CYLC1: variants seen among roughly 807,000 people sequenced by gnomAD.
CYLC1 encodes cylicin-1.
Under a neutral mutation model 31.6 loss-of-function variants are expected in CYLC1, and 2 were observed. The ratio of observed to expected loss-of-function variants is 0.06; its 90% CI spans 0.03 to 0.20. The LOEUF is 0.20. CYLC1 is among the 10% of genes least tolerant of loss of function. The pLI, the probability that CYLC1 is intolerant of heterozygous loss-of-function variation, is 1.00. For missense variants in CYLC1, 595 were observed against 424.1 expected (o/e 1.40, Z -3.54); for synonymous variants, 185 against 153.0 (o/e 1.21, Z -1.54).
intron 4 of CYLC1, among the ~76,000 whole-genome samples, chrX:83,880,014 C>T (rs757202704): frequency 5.4e-5 from 6 of 111,300 alleles, no homozygotes; most frequent in East Asian, 2.8e-4. Context: ...TCGTGCCATA[C>T]GTTTGATCTT....
chrX:83,885,844 A>G (rs1457782059), intron 4 of CYLC1, among the ~76,000 whole-genome samples: 1 of 110,281 alleles, frequency 9.1e-6, no homozygotes, highest in Non-Finnish European at 1.9e-5. Flanking sequence ...AACTATGTAT[A>G]CTTATAAATT....
At chrX:83,866,877 T>G (rs961996726) in intron 1 of CYLC1, among the ~76,000 whole-genome samples, 1 of 111,590 alleles carries the variant, frequency 9.0e-6, no homozygotes, top group Non-Finnish European at 1.9e-5. Context: ...TCCTGGTGAT[T>G]GTTTGCATAG....
At chrX:83,874,947 G>T (rs1039885058) in intron 4 of CYLC1, among the ~76,000 whole-genome samples, 1 of 110,354 alleles carries the variant, frequency 9.1e-6, no homozygotes, top group South Asian at 3.8e-4. Context: ...ACTTGGAAAA[G>T]AACAAAAATG....
intron 1 of CYLC1, among the ~76,000 whole-genome samples, chrX:83,864,169 A>G (rs1291059163): frequency 8.9e-6 from 1 of 111,755 alleles, no homozygotes; most frequent in Non-Finnish European, 1.9e-5. Flanking sequence ...TCTTTATTTG[A>G]TTACATCTGC....
intron 4 of CYLC1, among the ~76,000 whole-genome samples, chrX:83,882,738 T>C (rs2147787615): frequency 9.0e-6 from 1 of 111,388 alleles, no homozygotes; most frequent in Non-Finnish European, 1.9e-5. Context: ...TCTACCACTA[T>C]GGCTTAAATT....
At chrX:83,863,538 A>T (rs756008099) in intron 1 of CYLC1, among the ~76,000 whole-genome samples, 1 of 111,560 alleles carries the variant, frequency 9.0e-6, no homozygotes, top group Admixed American at 9.6e-5. Flanking sequence ...AAAACACTTA[A>T]TTTTTAGTAA....
intron 3 of CYLC1, 30 bp downstream of exon 3, chrX:83,871,600 C>A (rs765275569): frequency 2.6e-6 from 3 of 1,144,431 alleles, no homozygotes; most frequent in East Asian, 3.1e-5. Context: ...TTTTTAAAAA[C>A]GAAATCTAAG....
chrX:83,872,611 G>A (rs1239400102), intron 3 of CYLC1, among the ~76,000 whole-genome samples: 1 of 108,887 alleles, frequency 9.2e-6, no homozygotes, highest in Non-Finnish European at 1.9e-5. Context: ...ATGAGTCACT[G>A]TGGGCCTGCT....
At chrX:83,867,871 T>A (rs2031612358) in intron 1 of CYLC1, among the ~76,000 whole-genome samples, 1 of 111,801 alleles carries the variant, frequency 8.9e-6, no homozygotes, top group Non-Finnish European at 1.9e-5. Context: ...AATACGGATA[T>A]TTTTTATTAT....
intron 4 of CYLC1, among the ~76,000 whole-genome samples, chrX:83,883,721 G>C (rs2031944078): frequency 9.0e-6 from 1 of 111,519 alleles, no homozygotes; most frequent in Non-Finnish European, 1.9e-5. Flanking sequence ...TCTTTAATTT[G>C]TTTACTAATG....
In CYLC1 at chrX:83,872,942, G is replaced by A. The variant is rs775805617; in HGVS notation, c.234G>A (p.Arg78=). The change falls in exon 4 of 5, where the codon AGG becomes AGA. Residue 78 remains arginine (R), a synonymous_variant. Transcript: ENST00000329312. ...EGQKPAHKWI[R]HSFRKILQWP... ...AGAAACCAGCTCATAAATGGATAAG[G>A]CATTCTTTCAGAAAAATTTTGCAAT... 88 of 1,196,740 alleles carry A rather than the reference G, an allele frequency of 7.4e-5. No homozygotes were observed. Among genetic ancestry groups the A allele is most frequent in the East Asian group, 1.2e-4 (4 of 33,436 alleles).
chrX:83,881,428 G>A (rs1025036051), intron 4 of CYLC1, among the ~76,000 whole-genome samples: 11 of 109,591 alleles, frequency 1.0e-4, no homozygotes, highest in African/African-American at 3.7e-4. Flanking sequence ...GGATGAATTT[G>A]TCATTTCTTA....
rs756635349 is a variant in CYLC1 at position 83,874,540 on chromosome X, C to A, written c.1832C>A (p.Ala611Asp). The A allele has an allele frequency of 1.8e-5, 22 of 1,208,271 alleles. No individual in the cohort carries two copies. Among genetic ancestry groups the A allele is most frequent in the Non-Finnish European group, 2.5e-5 (22 of 894,389 alleles). ...PPSREKPPLP[A>D]CEPSLPSPKV... ...TCAAGAGAAAAACCACCACTCCCTG[C>A]TTGTGAGCCTTCTCTACCATCACCA... The change falls in exon 4 of 5, where the codon GCT becomes GAT. Residue 611 changes from alanine (A) to aspartate (D), a missense_variant. Coordinates refer to ENST00000329312, the MANE Select transcript of CYLC1 (RefSeq NM_021118.3).
At chrX:83,878,169 A>T (rs1220774482) in intron 4 of CYLC1, among the ~76,000 whole-genome samples, 6 of 36,029 alleles carry the variant, frequency 1.7e-4, no homozygotes, top group Non-Finnish European at 2.2e-4. Flanking sequence ...TATATATATA[A>T]AATATATATA....
rs775428826 is a variant in CYLC1 at position 83,876,383 on chromosome X, GA to G, written c.1923+1755del. ...GAATAATTTTTAAGATAAGTAAGAA[GA>G]AAGACTCTCAAATAGCTAGACTCTT... On this transcript the variant is annotated intron_variant, in intron 4 of 4. Coordinates refer to ENST00000329312, the MANE Select transcript of CYLC1 (RefSeq NM_021118.3). Among the ~76,000 whole-genome samples, 95 of 111,044 alleles carry G rather than the reference GA, an allele frequency of 8.6e-4. 1 individual carries two copies. Among genetic ancestry groups the G allele is most frequent in the Non-Finnish European group, 1.4e-3 (76 of 52,910 alleles).
intron 4 of CYLC1, 81 bp from the exon 5 acceptor site, chrX:83,886,471 C>A: frequency 1.1e-6 from 1 of 937,892 alleles, no homozygotes; most frequent in South Asian, 2.1e-5. Flanking sequence ...TTCGTGTGAT[C>A]CTTAACACAT....
chrX:83,876,165 CT>C (rs759333067), intron 4 of CYLC1, among the ~76,000 whole-genome samples: 94 of 110,292 alleles, frequency 8.5e-4, no homozygotes, highest in South Asian at 6.5e-3. Context: ...ATAAAAACAT[CT>C]TTTATCACTC....
intron 1 of CYLC1, among the ~76,000 whole-genome samples, chrX:83,867,749 T>C (rs2031610856): frequency 9.0e-6 from 1 of 111,413 alleles, no homozygotes; most frequent in Non-Finnish European, 1.9e-5. Context: ...TTACATTTTG[T>C]GCCCTCTTGA....
chrX:83,871,628 A>T, intron 3 of CYLC1, 58 bp downstream of exon 3: 1 of 1,062,639 alleles, frequency 9.4e-7, no homozygotes, highest in Non-Finnish European at 1.3e-6. Flanking sequence ...AGCATATATA[A>T]ATATAAGTAA....
Sources: allele counts gnomAD v4.1 joint callset (sites outside exome capture counted in the v4.1 genomes callset), GRCh38; gene constraint gnomAD v4.1.1; transcripts MANE v1.5; gene names NCBI Gene and HGNC (gene_info 2026-07-23, HGNC 2026-07-21).